Variants in G3BP2 observed in about 807,000 individuals in gnomAD.
G3BP2 encodes G3BP stress granule assembly factor 2.
A neutral mutation model predicts 56.7 loss-of-function variants in G3BP2; 11 were observed. The observed-to-expected ratio is 0.19, with a 90% CI of 0.12 to 0.32. G3BP2 has a LOEUF of 0.32. G3BP2 is among the 10% of genes least tolerant of loss of function. The pLI, the probability that G3BP2 is intolerant of heterozygous loss-of-function variation, is 1.00. For missense variants in G3BP2, 340 were observed against 610.9 expected (o/e 0.56, Z 4.67); for synonymous variants, 165 against 191.6 (o/e 0.86, Z 1.15).
intron 3 of G3BP2, among the ~76,000 whole-genome samples, chr4:75,716,944 TC>T (rs1244483991): frequency 6.6e-6 from 1 of 152,150 alleles, no homozygotes; most frequent in African/African-American, 2.4e-5. Flanking sequence ...CTTCTCATCT[TC>T]CATCCCTCTG....
At chr4:75,676,017 A>G (rs1174418233), upstream of G3BP2, among the ~76,000 whole-genome samples, 1 of 152,220 alleles carries the variant, frequency 6.6e-6, no homozygotes, top group African/African-American at 2.4e-5. Flanking sequence ...GACACCAATA[A>G]GTGGAGTTAA....
At chr4:75,693,578 T>C (rs972059834) in intron 3 of G3BP2, among the ~76,000 whole-genome samples, 49 of 151,918 alleles carry the variant, frequency 3.2e-4, no homozygotes, top group Middle Eastern at 3.4e-3. Flanking sequence ...ATCACGAGGT[T>C]AGGAGTTCAA....
chr4:75,663,695 A>C (rs1732751213), intron 1 of G3BP2, among the ~76,000 whole-genome samples: 1 of 151,738 alleles, frequency 6.6e-6, no homozygotes, highest in Admixed American at 6.6e-5. Flanking sequence ...CCCCATCTCT[A>C]CTAAAAATAA....
chr4:75,697,586 G>T (rs536991147), intron 3 of G3BP2, among the ~76,000 whole-genome samples: 3 of 152,092 alleles, frequency 2.0e-5, no homozygotes, highest in African/African-American at 7.2e-5. Context: ...TGCAATATGC[G>T]TATTTCAATA....
intron 3 of G3BP2, among the ~76,000 whole-genome samples, chr4:75,715,067 T>C (rs1346615600): frequency 1.3e-5 from 2 of 152,220 alleles, no homozygotes; most frequent in African/African-American, 4.8e-5. Context: ...CTGTCTAGGT[T>C]TGCAAAGAAA....
chr4:75,712,424 AT>A (rs1332051669), intron 3 of G3BP2, among the ~76,000 whole-genome samples: 2 of 152,140 alleles, frequency 1.3e-5, no homozygotes, highest in Non-Finnish European at 2.9e-5. Context: ...ATAAAGTGAG[AT>A]TTTACTGCCA....
At chr4:75,723,927 G>A (rs368786216) in intron 1 of G3BP2, 1 of 152,238 alleles carries the variant, frequency 6.6e-6, no homozygotes, top group East Asian at 1.9e-4. Flanking sequence ...AAACACAGGG[G>A]TTGAGAGTTA....
intron 1 of G3BP2, among the ~76,000 whole-genome samples, chr4:75,667,335 CAA>C (rs1733130231): frequency 6.7e-6 from 1 of 149,642 alleles, no homozygotes; most frequent in Non-Finnish European, 1.5e-5. Context: ...TACTTATACA[CAA>C]AAAGAAATCT....
At chr4:75,665,149 C>T (rs1732906068) in intron 1 of G3BP2, among the ~76,000 whole-genome samples, 1 of 152,134 alleles carries the variant, frequency 6.6e-6, no homozygotes, top group South Asian at 2.1e-4. Flanking sequence ...TAGAGTGTAG[C>T]TTTACATAAT....
At chr4:75,658,029 T>C (rs753501307) in intron 3 of G3BP2, among the ~76,000 whole-genome samples, 5 of 152,214 alleles carry the variant, frequency 3.3e-5, no homozygotes, top group Admixed American at 6.5e-5. Flanking sequence ...TTACACATAA[T>C]TTTACTGTGT....
chr4:75,646,899 G>A (rs1343630231), intron 10 of G3BP2, 130 bp downstream of exon 10: 9 of 582,608 alleles, frequency 1.5e-5, no homozygotes, highest in Non-Finnish European at 2.4e-5. Context: ...CACAATTAAG[G>A]TGGGTCTGGT....
At chr4:75,673,530 C>G (rs1733693080), upstream of G3BP2, 1 of 1,232,110 alleles carries the variant, frequency 8.1e-7, no homozygotes, top group South Asian at 4.1e-5. Context: ...CCCAACCTTC[C>G]CGTGTCCCTC....
chr4:75,647,253 G>T, intron 9 of G3BP2, 96 bp from the exon 10 acceptor site: 2 of 809,724 alleles, frequency 2.5e-6, no homozygotes, highest in Non-Finnish European at 3.8e-6. Context: ...TGATATTCCT[G>T]TTTTAGTTTA....
chr4:75,696,628 C>T (rs2149089022), intron 3 of G3BP2, among the ~76,000 whole-genome samples: 2 of 152,220 alleles, frequency 1.3e-5, no homozygotes, highest in Middle Eastern at 6.8e-3. Flanking sequence ...TCCCAGTGCC[C>T]AGTGGCCTTG....
chr4:75,680,782 T>C (rs1195215420), intron 3 of G3BP2, among the ~76,000 whole-genome samples: 2 of 151,574 alleles, frequency 1.3e-5, no homozygotes, highest in Non-Finnish European at 1.5e-5. Context: ...CTGGCCAACA[T>C]GGTGAAACCC....
At position 75,644,061 on chromosome 4, in the gene G3BP2, C is replaced by T. The variant is rs944717568; in HGVS notation, c.*1369G>A. 2 of 152,568 alleles carry T rather than the reference C, an allele frequency of 1.3e-5. No homozygotes were observed. Among genetic ancestry groups the T allele is most frequent in the East Asian group, 3.8e-4 (2 of 5,198 alleles). 9.5% of individuals were successfully genotyped at this position (152,568 alleles called of 1,614,324 possible). On this transcript the variant is annotated 3_prime_UTR_variant, in exon 12 of 12. Transcript: ENST00000359707. ...GCAAAATGAATGACAGTTCCCTGCC[C>T]CCCAAATAGAAAATGCAAACACTTA...
chr4:75,657,102 T>C lies in G3BP2; in HGVS notation c.352-88A>G. 4.7e-6 allele frequency: 3 copies of C among 638,756 alleles called. No individual in the cohort carries two copies. In the Admixed American group the frequency reaches 8.6e-5, roughly 18 times the overall value. 39.6% of individuals were successfully genotyped at this position (638,756 alleles called of 1,614,324 possible). On this transcript the variant is annotated intron_variant, in intron 4 of 11. Transcript: ENST00000359707. ...TTACATGGCATACACAATTTCTCAT[T>C]TTAATACTAGAGATCTTGACTCAAT...
intron 1 of G3BP2, among the ~76,000 whole-genome samples, chr4:75,722,960 A>G (rs1267214636): frequency 6.6e-6 from 1 of 152,258 alleles, no homozygotes; most frequent in African/African-American, 2.4e-5. Context: ...TATAAAATGA[A>G]TAACATAGTC....
chr4:75,712,899 A>T (rs187849784), intron 3 of G3BP2, among the ~76,000 whole-genome samples: 5 of 152,294 alleles, frequency 3.3e-5, no homozygotes, highest in Non-Finnish European at 5.9e-5. Flanking sequence ...ATTTAAGAGA[A>T]TATAGAATTT....
Sources: allele counts gnomAD v4.1 joint callset (sites outside exome capture counted in the v4.1 genomes callset), GRCh38; gene constraint gnomAD v4.1.1; transcripts MANE v1.5; gene names NCBI Gene and HGNC (gene_info 2026-07-23, HGNC 2026-07-21).